PCSK2: variants seen among roughly 807,000 people sequenced by gnomAD.
The protein encoded by PCSK2 is proprotein convertase subtilisin/kexin type 2.
A neutral mutation model predicts 69.7 loss-of-function variants in PCSK2; 14 were observed. The observed-to-expected ratio is 0.20, with a 90% CI of 0.13 to 0.31. The LOEUF (loss-of-function observed/expected upper bound fraction) is 0.31. Among genes scored for constraint, PCSK2 ranks in the 10% least tolerant of loss-of-function variants. PCSK2 has a pLI of 1.00. For synonymous variants in PCSK2, 307 were observed against 320.7 expected (o/e 0.96, Z 0.46); for missense variants, 544 against 842.5 (o/e 0.65, Z 4.39).
chr20:17,456,950 G>A (rs533757408), intron 10 of PCSK2, among the ~76,000 whole-genome samples: 12 of 152,296 alleles, frequency 7.9e-5, no homozygotes, highest in Non-Finnish European at 8.8e-5. Context: ...GCAAAGTCAC[G>A]CAGTGTAGAC....
intron 3 of PCSK2, among the ~76,000 whole-genome samples, chr20:17,359,022 G>A (rs2030302599): frequency 6.6e-6 from 1 of 152,222 alleles, no homozygotes; most frequent in African/African-American, 2.4e-5. Flanking sequence ...GTCACCAACA[G>A]TTCATCATGA....
intron 5 of PCSK2, among the ~76,000 whole-genome samples, chr20:17,396,828 C>T (rs1161723399): frequency 6.6e-6 from 1 of 152,108 alleles, no homozygotes; most frequent in African/African-American, 2.4e-5. Context: ...CCATGTTGCC[C>T]AGGCTGAGTC....
intron 2 of PCSK2, among the ~76,000 whole-genome samples, chr20:17,320,733 C>T (rs1237942022): frequency 6.6e-6 from 1 of 152,192 alleles, no homozygotes; most frequent in East Asian, 1.9e-4. Context: ...GCACATCACT[C>T]TTCCTTAGGC....
At chr20:17,311,469 T>C (rs1318851052) in intron 2 of PCSK2, among the ~76,000 whole-genome samples, 1 of 152,028 alleles carries the variant, frequency 6.6e-6, no homozygotes, top group Non-Finnish European at 1.5e-5. Context: ...TTAACTGAAG[T>C]AGTAAGCTGT....
chr20:17,239,153 T>A (rs922676436), intron 1 of PCSK2, among the ~76,000 whole-genome samples: 3 of 152,194 alleles, frequency 2.0e-5, no homozygotes, highest in Admixed American at 6.5e-5. Context: ...CAGAGGAGAA[T>A]AAGGTGACCC....
At chr20:17,354,478 C>A (rs780782797) in intron 2 of PCSK2, among the ~76,000 whole-genome samples, 2 of 152,072 alleles carry the variant, frequency 1.3e-5, no homozygotes, top group South Asian at 4.1e-4. Context: ...TTTAGACACT[C>A]GGAAATATTT....
intron 5 of PCSK2, among the ~76,000 whole-genome samples, chr20:17,381,097 G>A (rs997050410): frequency 5.9e-5 from 9 of 152,128 alleles, no homozygotes; most frequent in East Asian, 3.9e-4. Flanking sequence ...TGGCCAAGGC[G>A]GAGAGAATCT....
At chr20:17,254,846 C>T (rs1987118098) in intron 1 of PCSK2, among the ~76,000 whole-genome samples, 1 of 152,286 alleles carries the variant, frequency 6.6e-6, no homozygotes, top group East Asian at 1.9e-4. Flanking sequence ...TAATTTCTTT[C>T]AGTGATGCTT....
chr20:17,439,138 CT>C lies in PCSK2; in HGVS notation c.885+2265del, dbSNP rs201645545. Among the ~76,000 whole-genome samples the C allele has an allele frequency of 1.5e-3, 232 of 149,824 alleles. 2 individuals carry two copies. Among genetic ancestry groups the C allele is most frequent in the Non-Finnish European group, 6.4e-4 (43 of 67,216 alleles). On this transcript the variant is annotated intron_variant, in intron 8 of 11. Coordinates refer to ENST00000262545, the MANE Select transcript of PCSK2 (RefSeq NM_002594.5). ...TTTTTTAGACTAGGTTTTCTTCTAC[CT>C]TTTTTTTTTCTTTTGAGATAGGGTC... is the stretch of plus-strand genomic sequence containing the variant.
intron 6 of PCSK2, among the ~76,000 whole-genome samples, chr20:17,420,142 T>G (rs541611382): frequency 4.6e-5 from 7 of 152,304 alleles, no homozygotes; most frequent in African/African-American, 1.7e-4. Flanking sequence ...TATTTTCTTA[T>G]TAAAAGTCAT....
intron 2 of PCSK2, among the ~76,000 whole-genome samples, chr20:17,307,743 A>G (rs768611414): frequency 6.6e-6 from 1 of 152,210 alleles, no homozygotes; most frequent in Non-Finnish European, 1.5e-5. Context: ...TTAATTTAAA[A>G]AGCAATAAAT....
intron 1 of PCSK2, among the ~76,000 whole-genome samples, chr20:17,237,668 A>G (rs952005734): frequency 6.6e-6 from 1 of 152,210 alleles, no homozygotes; most frequent in Admixed American, 6.5e-5. Flanking sequence ...TTGGGTCCCC[A>G]GATGTAGGCC....
chr20:17,239,719 A>G (rs945286588), intron 1 of PCSK2, among the ~76,000 whole-genome samples: 1 of 152,192 alleles, frequency 6.6e-6, no homozygotes, highest in Admixed American at 6.5e-5. Flanking sequence ...AGTTCAGTAA[A>G]CAAACATAAT....
At chr20:17,354,265 C>A (rs528728281) in intron 2 of PCSK2, among the ~76,000 whole-genome samples, 1 of 152,262 alleles carries the variant, frequency 6.6e-6, no homozygotes, top group Admixed American at 6.5e-5. Flanking sequence ...AGCCAACGGT[C>A]CTATTTGAGG....
chr20:17,365,000 C>G (rs2030544064), intron 4 of PCSK2, among the ~76,000 whole-genome samples: 1 of 152,166 alleles, frequency 6.6e-6, no homozygotes, highest in Non-Finnish European at 1.5e-5. Flanking sequence ...TAAACTCTAT[C>G]CTGCCCCAAC....
At chr20:17,393,541 T>C (rs2123276155) in intron 5 of PCSK2, among the ~76,000 whole-genome samples, 1 of 152,034 alleles carries the variant, frequency 6.6e-6, no homozygotes, top group Non-Finnish European at 1.5e-5. Flanking sequence ...TCATTTATCT[T>C]CAAAAAGATG....
rs142129060 is a variant in PCSK2, at chr20:17,382,893, A to T, written c.543+13616A>T. Among the ~76,000 whole-genome samples the T allele has an allele frequency of 4.6e-5, 7 of 152,260 alleles. No homozygotes were observed. In the East Asian group the frequency reaches 1.3e-3, roughly 29 times the overall value. On this transcript the variant is annotated intron_variant, in intron 5 of 11. Transcript: ENST00000262545. ...GGATTCTCCCTAATTAAAGGCTTGG[A>T]AGACTGTCACACTAGCTCTTCCCAC...
chr20:17,447,578 TA>T (rs2032725307), intron 8 of PCSK2, among the ~76,000 whole-genome samples: 1 of 150,616 alleles, frequency 6.6e-6, no homozygotes, highest in African/African-American at 2.5e-5. Context: ...AGAACAATAA[TA>T]TGGCAGATGG....
chr20:17,330,412 C>T (rs995631891), intron 2 of PCSK2, among the ~76,000 whole-genome samples: 7 of 151,762 alleles, frequency 4.6e-5, no homozygotes, highest in Admixed American at 1.3e-4. Context: ...ACCAACATGG[C>T]GAAACCCCGT....
Sources: gnomAD v4.1 joint callset for allele counts (sites outside exome capture counted in the v4.1 genomes callset) on GRCh38, gnomAD v4.1.1 for gene constraint, MANE v1.5 for transcripts, NCBI Gene and HGNC (gene_info 2026-07-23, HGNC 2026-07-21) for gene names.